The following STAU1 variants were observed in gnomAD, a reference collection of about 807,000 sequenced individuals.
STAU1 encodes the protein staufen double-stranded RNA binding protein 1.
STAU1 carries 13 observed loss-of-function variants against 62.9 expected under a neutral mutation model. The observed-to-expected ratio is 0.21, with a 90% CI of 0.13 to 0.33. STAU1 has a LOEUF of 0.33. Ranked by LOEUF, STAU1 falls within the 10% of genes least tolerant of loss-of-function variation. STAU1 has a pLI of 1.00. For synonymous variants in STAU1, 269 were observed against 265.1 expected (o/e 1.01, Z -0.14); for missense variants, 571 against 712.1 (o/e 0.80, Z 2.25).
chr20:49,161,677 C>T (rs1365650809), intron 3 of STAU1, among the ~76,000 whole-genome samples: 2 of 152,104 alleles, frequency 1.3e-5, no homozygotes, highest in Non-Finnish European at 2.9e-5. Flanking sequence ...GGGTTCGCCA[C>T]ATGAGAAGGA....
intron 5 of STAU1, among the ~76,000 whole-genome samples, chr20:49,148,683 A>T (rs1380095854): frequency 6.6e-6 from 1 of 152,216 alleles, no homozygotes; most frequent in African/African-American, 2.4e-5. Flanking sequence ...CTCCCAGCAA[A>T]GCTCCTCAGA....
intron 1 of STAU1, among the ~76,000 whole-genome samples, chr20:49,185,398 G>A (rs2093774920): frequency 6.6e-6 from 1 of 152,296 alleles, no homozygotes; most frequent in East Asian, 1.9e-4. Flanking sequence ...AAGCAGCAAG[G>A]TTGTATTTTG....
At chr20:49,125,662 T>C (rs1194672885) in intron 6 of STAU1, among the ~76,000 whole-genome samples, 2 of 150,808 alleles carry the variant, frequency 1.3e-5, no homozygotes, top group Non-Finnish European at 1.5e-5. Context: ...CTGGCTAACA[T>C]GGTGAAACCC....
At chr20:49,185,590 G>GT (rs1376317824) in intron 1 of STAU1, among the ~76,000 whole-genome samples, 1 of 152,154 alleles carries the variant, frequency 6.6e-6, no homozygotes, top group African/African-American at 2.4e-5. Flanking sequence ...AATCGCTAAT[G>GT]TTGTGACACA....
rs554198140 is a variant in STAU1 at position 49,187,045 on chromosome 20, A to T, written c.-160+1071T>A. ...TATAAGCAAAGCTTCCGTGAAAAAA[A>T]ACTTATCGAGGTGTAGAGCAAGACA... On this transcript the variant is annotated intron_variant, in intron 1 of 13. Coordinates refer to ENST00000371856, the MANE Select transcript of STAU1 (RefSeq NM_017453.4). Among the ~76,000 whole-genome samples the T allele has an allele frequency of 2.2e-4, 34 of 152,262 alleles. No individual in the cohort carries two copies. The South Asian group carries it at 6.6e-3, about 30-fold the overall frequency.
the STAU1 span, among the ~76,000 whole-genome samples, chr20:49,208,302 C>T: frequency 6.6e-6 from 1 of 152,048 alleles, no homozygotes; most frequent in Non-Finnish European, 1.5e-5. Flanking sequence ...TCGTGATCTG[C>T]CCACCTCAGT....
At chr20:49,126,395 C>T (rs1272617572) in intron 6 of STAU1, among the ~76,000 whole-genome samples, 1 of 151,124 alleles carries the variant, frequency 6.6e-6, no homozygotes, top group Non-Finnish European at 1.5e-5. Flanking sequence ...GACCTTGACT[C>T]TACAAAAATA....
chr20:49,115,693 C>T, intron 13 of STAU1, 89 bp downstream of exon 13: 2 of 1,143,750 alleles, frequency 1.7e-6, no homozygotes, highest in Non-Finnish European at 1.3e-6. Flanking sequence ...CAAATATTTC[C>T]CCGCTGAGTC....
At chr20:49,131,117 AATCC>A (rs1600660744) in intron 6 of STAU1, among the ~76,000 whole-genome samples, 1 of 152,224 alleles carries the variant, frequency 6.6e-6, no homozygotes, top group Non-Finnish European at 1.5e-5. Context: ...AATCATAAGT[AATCC>A]ATCAGAAATA....
the STAU1 span, among the ~76,000 whole-genome samples, chr20:49,212,082 C>T: frequency 6.6e-6 from 1 of 151,856 alleles, no homozygotes; most frequent in African/African-American, 2.4e-5. Context: ...TCAACCTCCC[C>T]AGACTCAAGT....
At chr20:49,204,616 ATATATATGTG>A in the STAU1 span, among the ~76,000 whole-genome samples, 110 of 42,114 alleles carry the variant, frequency 2.6e-3, no homozygotes, top group South Asian at 4.3e-3. Context: ...ATATATATAT[ATATATATGTG>A]TATATATATA....
chr20:49,134,103 G>T (rs1402677819), intron 6 of STAU1, among the ~76,000 whole-genome samples: 1 of 152,062 alleles, frequency 6.6e-6, no homozygotes, highest in East Asian at 1.9e-4. Flanking sequence ...ATCTGCTGTG[G>T]GTCAGACCTT....
At chr20:49,170,961 T>C (rs1172715339) in intron 2 of STAU1, among the ~76,000 whole-genome samples, 2 of 152,152 alleles carry the variant, frequency 1.3e-5, no homozygotes, top group Non-Finnish European at 2.9e-5. Context: ...TATAAAGCAA[T>C]AGCAATTCTA....
At chr20:49,125,178 C>A (rs1416625942) in intron 6 of STAU1, among the ~76,000 whole-genome samples, 1 of 80,766 alleles carries the variant, frequency 1.2e-5, no homozygotes, top group African/African-American at 4.8e-5. Flanking sequence ...AACAGACACA[C>A]ATTTATAAGC....
In STAU1 at chr20:49,130,142, G is replaced by C. The variant is rs1247634984; in HGVS notation, c.610-5555C>G. Among the ~76,000 whole-genome samples the C allele has an allele frequency of 2.0e-5, 3 of 151,960 alleles. No homozygotes were observed. In the East Asian group the frequency reaches 5.8e-4, roughly 29 times the overall value. On this transcript the variant is annotated intron_variant, in intron 6 of 13. Coordinates refer to ENST00000371856, the MANE Select transcript of STAU1 (RefSeq NM_017453.4). ...TATGTAACACTCTTGGTGATAAAAAGGAACAAACTACTGAAACACACAACA... is the reference window on the plus strand; with the variant it reads ...TATGTAACACTCTTGGTGATAAAAACGAACAAACTACTGAAACACACAACA...
intron 1 of STAU1, among the ~76,000 whole-genome samples, chr20:49,181,161 C>T (rs1048300800): frequency 3.9e-5 from 6 of 152,104 alleles, no homozygotes; most frequent in Non-Finnish European, 5.9e-5. Flanking sequence ...TCTAAGAAAC[C>T]CTTTTCTTTG....
At position 49,166,301 on chromosome 20, in the gene STAU1, G is replaced by T. The variant is rs747330123; in HGVS notation, c.-84-16C>A. ...AAAGTTCTACCTAAAAGTTGTAAGG[G>T]AAAGAAAATAAAAAGGTAAATTATA... On this transcript the variant is annotated splice_polypyrimidine_tract_variant and intron_variant, in intron 2 of 13. Coordinates refer to ENST00000371856, the MANE Select transcript of STAU1 (RefSeq NM_017453.4). 16 of 1,059,022 alleles carry T rather than the reference G, an allele frequency of 1.5e-5. No homozygotes were observed. Among genetic ancestry groups the T allele is most frequent in the Non-Finnish European group, 2.1e-5 (15 of 727,904 alleles). 65.6% of individuals were successfully genotyped at this position (1,059,022 alleles called of 1,614,324 possible).
At chr20:49,152,523 G>A (rs1171954312) in intron 4 of STAU1, among the ~76,000 whole-genome samples, 1 of 151,718 alleles carries the variant, frequency 6.6e-6, no homozygotes, top group Non-Finnish European at 1.5e-5. Flanking sequence ...AGTATTTTTA[G>A]TAGAGACAGG....
At chr20:49,209,438 T>TAC in the STAU1 span, among the ~76,000 whole-genome samples, 1 of 119,134 alleles carries the variant, frequency 8.4e-6, no homozygotes, top group Non-Finnish European at 1.7e-5. Context: ...TCTGTACAGT[T>TAC]AAAAAAAAAA....
Sources: allele counts gnomAD v4.1 joint callset (sites outside exome capture counted in the v4.1 genomes callset), GRCh38; gene constraint gnomAD v4.1.1; transcripts MANE v1.5; gene names NCBI Gene and HGNC (gene_info 2026-07-23, HGNC 2026-07-21).